FRMPD4: variants seen among roughly 807,000 people sequenced by gnomAD.
FRMPD4 encodes FERM and PDZ domain containing 4.
In FRMPD4, 22 loss-of-function variants were observed where a neutral mutation model predicts 94.1. The observed-to-expected ratio is 0.23, with a 90% CI of 0.17 to 0.33. The LOEUF (loss-of-function observed/expected upper bound fraction) is 0.33. Among genes scored for constraint, FRMPD4 ranks in the 10% least tolerant of loss-of-function variants. The pLI is 1.00. For missense variants in FRMPD4, 1,111 were observed against 1,339.9 expected, an observed-to-expected ratio of 0.83 and a Z score of 2.67; for synonymous variants, 631 against 548.6, an observed-to-expected ratio of 1.15 and a Z score of -2.10.
At chrX:12,248,971 G>A (rs1221624268) in intron 1 of FRMPD4, among the ~76,000 whole-genome samples, 9 of 112,654 alleles carry the variant, frequency 8.0e-5, no homozygotes, top group African/African-American at 2.3e-4. Flanking sequence ...CCCAGGAGGC[G>A]GAGATTGCAG....
intron 6 of FRMPD4, 139 bp from the exon 7 acceptor site, chrX:12,685,958 A>G (rs1452851769): frequency 1.5e-5 from 5 of 339,638 alleles, no homozygotes; most frequent in Non-Finnish European, 2.6e-5. Flanking sequence ...CATATCACCA[A>G]AGGAATGCCT....
chrX:12,708,726 G>C (rs1250259664), intron 13 of FRMPD4, among the ~76,000 whole-genome samples: 1 of 112,083 alleles, frequency 8.9e-6, no homozygotes, highest in African/African-American at 3.2e-5. Context: ...GGAGGACCCA[G>C]CCCTACCTGC....
intron 2 of FRMPD4, among the ~76,000 whole-genome samples, chrX:12,545,517 A>C (rs1178724690): frequency 1.8e-5 from 2 of 112,980 alleles, no homozygotes; most frequent in African/African-American, 6.4e-5. Flanking sequence ...GCCCTAGGGC[A>C]GTTGCCATGA....
intron 4 of FRMPD4, among the ~76,000 whole-genome samples, chrX:12,662,776 C>T (rs2059731124): frequency 8.9e-6 from 1 of 112,281 alleles, no homozygotes; most frequent in African/African-American, 3.2e-5. Flanking sequence ...GGAATTGCCA[C>T]ACTGTCTTCC....
intron 3 of FRMPD4, among the ~76,000 whole-genome samples, chrX:11,997,067 C>T (rs2054500176): frequency 9.0e-6 from 1 of 110,845 alleles, no homozygotes; most frequent in Non-Finnish European, 1.9e-5. Context: ...AAAGGCATGG[C>T]GTTGAGAATT....
intron 1 of FRMPD4, among the ~76,000 whole-genome samples, chrX:12,237,867 C>T (rs1284603066): frequency 5.3e-5 from 6 of 112,222 alleles, no homozygotes; most frequent in East Asian, 5.6e-4. Flanking sequence ...GTTTAAGAAG[C>T]GAAGCAACAA....
In FRMPD4 at chrX:12,625,800, C is replaced by T. The variant is rs949099826; in HGVS notation, c.422+10919C>T. 2.7e-5 allele frequency among the ~76,000 whole-genome samples: 3 copies of T among 111,292 alleles called. No individual in the cohort carries two copies. In the East Asian group the frequency reaches 8.4e-4, roughly 31 times the overall value. Reference sequence around the variant, plus strand: ...CTAAAAGAGAATTACTCAAGTGTTCCCAGTATAAAGAAAAGTTAAATGTTT... The same window carrying T: ...CTAAAAGAGAATTACTCAAGTGTTCTCAGTATAAAGAAAAGTTAAATGTTT... On this transcript the variant is annotated intron_variant, in intron 4 of 16. Transcript: ENST00000675598.
chrX:12,124,144 C>T (rs912333826), intron 3 of FRMPD4, among the ~76,000 whole-genome samples: 1 of 111,805 alleles, frequency 8.9e-6, no homozygotes, highest in African/African-American at 3.3e-5. Flanking sequence ...TTAATTTCCA[C>T]TTATCTTTCA....
At chrX:12,611,305 G>A (rs1328035391) in intron 3 of FRMPD4, among the ~76,000 whole-genome samples, 1 of 112,296 alleles carries the variant, frequency 8.9e-6, no homozygotes, top group Non-Finnish European at 1.9e-5. Flanking sequence ...TTGCAAATCA[G>A]TAACAGGATT....
intron 1 of FRMPD4, among the ~76,000 whole-genome samples, chrX:12,239,938 C>T (rs1252541423): frequency 1.8e-5 from 2 of 112,308 alleles, no homozygotes; most frequent in Admixed American, 1.9e-4. Flanking sequence ...CACCTCCTAA[C>T]ACCATCACAT....
In FRMPD4 at chrX:12,528,484, C is replaced by A. The variant is rs189956973; in HGVS notation, c.158+29688C>A. 3.4e-3 allele frequency among the ~76,000 whole-genome samples: 368 copies of A among 109,406 alleles called. 2 individuals carry two copies. The highest frequency in any genetic ancestry group is 0.012 in the African/African-American group (352 of 30,054). On this transcript the variant is annotated intron_variant, in intron 2 of 16. Transcript: ENST00000675598. ...TACTGGCACCCACCACCACGCCCAGCTAATTTTTGTATTTTTAGTAGAGAC... is the reference window on the plus strand; with the variant it reads ...TACTGGCACCCACCACCACGCCCAGATAATTTTTGTATTTTTAGTAGAGAC...
At chrX:12,074,743 G>A in intron 3 of FRMPD4, among the ~76,000 whole-genome samples, 1 of 112,624 alleles carries the variant, frequency 8.9e-6, no homozygotes, top group Non-Finnish European at 1.9e-5. Context: ...TTTCTCCAGT[G>A]ACAAGAGATG....
intron 3 of FRMPD4, among the ~76,000 whole-genome samples, chrX:12,016,928 C>T (rs2054607603): frequency 8.9e-6 from 1 of 112,132 alleles, no homozygotes; most frequent in African/African-American, 3.2e-5. Context: ...CCAGAGCTTG[C>T]ATCTTGACCT....
intron 1 of FRMPD4, among the ~76,000 whole-genome samples, chrX:11,833,510 T>C (rs1390171485): frequency 8.9e-6 from 1 of 112,081 alleles, no homozygotes; most frequent in East Asian, 2.8e-4. Context: ...AGTATTTGAT[T>C]TTGGATATTG....
chrX:12,391,901 A>G (rs778517723), intron 1 of FRMPD4, among the ~76,000 whole-genome samples: 8 of 111,549 alleles, frequency 7.2e-5, no homozygotes, highest in African/African-American at 2.6e-4. Flanking sequence ...GTAAGGTCTT[A>G]GTAGACTTTG....
chrX:11,931,671 A>G (rs2054122974), intron 3 of FRMPD4, among the ~76,000 whole-genome samples: 1 of 112,602 alleles, frequency 8.9e-6, no homozygotes, highest in South Asian at 3.7e-4. Flanking sequence ...GTCACAGTAA[A>G]GCAGATTCAG....
At chrX:12,235,359 G>C (rs1415026138) in intron 1 of FRMPD4, among the ~76,000 whole-genome samples, 1 of 112,230 alleles carries the variant, frequency 8.9e-6, no homozygotes, top group Non-Finnish European at 1.9e-5. Context: ...TTTAATTGTA[G>C]CTAATGGTAG....
At chrX:12,677,189 A>C (rs1182604780) in intron 5 of FRMPD4, among the ~76,000 whole-genome samples, 1 of 110,179 alleles carries the variant, frequency 9.1e-6, no homozygotes, top group Non-Finnish European at 1.9e-5. Flanking sequence ...TCCTCTCCCC[A>C]AGTTGTGACA....
rs766739639 is a variant in FRMPD4, at chrX:12,483,241, G to A, written c.42-15439G>A. 1.3e-4 allele frequency among the ~76,000 whole-genome samples: 15 copies of A among 111,734 alleles called. No individual in the cohort carries two copies. In the South Asian group the frequency reaches 5.3e-3, roughly 39 times the overall value. ...AGACAACGAAGTGGAGGTGTAAGGTGGTAAAAACTACAGGAATTCAGAGAT... is the reference window on the plus strand; with the variant it reads ...AGACAACGAAGTGGAGGTGTAAGGTAGTAAAAACTACAGGAATTCAGAGAT... On this transcript the variant is annotated intron_variant, in intron 1 of 16. Transcript: ENST00000675598.
Sources: gnomAD v4.1 joint callset for allele counts (sites outside exome capture counted in the v4.1 genomes callset) on GRCh38, gnomAD v4.1.1 for gene constraint, MANE v1.5 for transcripts, NCBI Gene and HGNC (gene_info 2026-07-23, HGNC 2026-07-21) for gene names.